The following LRRC8E variants were observed in gnomAD, a reference collection of about 807,000 sequenced individuals.
The protein encoded by LRRC8E is leucine rich repeat containing 8 VRAC subunit E, also known as volume-regulated anion channel subunit LRRC8E.
LRRC8E carries 6 observed loss-of-function variants against 6.1 expected under a neutral mutation model. That is an observed-to-expected ratio of 0.98 (90% CI 0.54 to 1.93). The LOEUF (loss-of-function observed/expected upper bound fraction) is 1.93. Among genes scored for constraint, LRRC8E ranks in the 30% most tolerant of loss-of-function variants. The probability of loss-of-function intolerance (pLI) is 0.01; values close to 1 mark genes in which losing one functional copy is unlikely to be tolerated. For missense variants in LRRC8E, 1,028 were observed against 1,031.4 expected (o/e 1.00, Z 0.04); for synonymous variants, 485 against 472.8 (o/e 1.03, Z -0.33).
chr19:7,895,124 C>T lies in LRRC8E; in HGVS notation c.-5-475C>T, dbSNP rs183250993. The T allele has an allele frequency of 5.7e-3, 885 of 154,810 alleles. 7 individuals are homozygous for T. The highest frequency in any genetic ancestry group is 9.1e-3 in the Non-Finnish European group (634 of 69,420). 9.6% of individuals were successfully genotyped at this position (154,810 alleles called of 1,614,324 possible). ...GGAGGGGGTGGAGGGGCCTACGCCC[C>T]GGAAGTCCTGAGCCTTGGAACGCTT... On this transcript the variant is annotated intron_variant, in intron 1 of 2. Transcript: ENST00000306708. The surrounding 1 kb of genome is among the most constrained non-coding windows in gnomAD (Gnocchi z 4.7).
chr19:7,894,992 A>C (rs1306561595), intron 1 of LRRC8E: 1 of 152,638 alleles, frequency 6.6e-6, no homozygotes, highest in Non-Finnish European at 1.5e-5. Flanking sequence ...CCCAGGGCTG[A>C]CTAGCCTTCA....
In LRRC8E at chr19:7,900,545, T is replaced by C. The variant is rs1273135468; in HGVS notation, c.2023T>C (p.Cys675Arg). The C allele has an allele frequency of 1.2e-6, 2 of 1,613,108 alleles. No homozygotes were observed. The highest frequency in any genetic ancestry group is 1.3e-5 in the African/African-American group (1 of 75,068). ...LETLPSQLGL[C>R]SGLRLLDVSH... Reference sequence around the variant, plus strand: ...GACCCTGCCCTCCCAGCTCGGCCTGTGCTCAGGCCTCCGTCTGCTGGATGT... The same window carrying C: ...GACCCTGCCCTCCCAGCTCGGCCTGCGCTCAGGCCTCCGTCTGCTGGATGT... Residue 675 changes from cysteine (C) to arginine (R), a missense_variant, in exon 3 of 3, where the codon TGC (cysteine) becomes CGC (arginine). Coordinates refer to ENST00000306708, the MANE Select transcript of LRRC8E (RefSeq NM_025061.6). This position sits in a 1 kb window ranked among gnomAD's most constrained non-coding sequence, Gnocchi z 5.0.
intron 2 of LRRC8E, among the ~76,000 whole-genome samples, chr19:7,896,095 G>A (rs1358017137): frequency 2.0e-5 from 3 of 151,452 alleles, no homozygotes; most frequent in African/African-American, 7.3e-5. Flanking sequence ...CCACCACCAC[G>A]CCTGGCTAAT....
chr19:7,892,669 T>C (rs762700726), intron 1 of LRRC8E, among the ~76,000 whole-genome samples: 9 of 152,148 alleles, frequency 5.9e-5, no homozygotes, highest in Non-Finnish European at 1.2e-4. Flanking sequence ...CGTGCACAAA[T>C]ATGCATGACC....
At chr19:7,892,448 T>C (rs1455347935) in intron 1 of LRRC8E, among the ~76,000 whole-genome samples, 2 of 152,082 alleles carry the variant, frequency 1.3e-5, no homozygotes, top group African/African-American at 4.8e-5. Flanking sequence ...GCTCAAGCAA[T>C]CCTCCTGCCT....
At chr19:7,898,579 G>A (rs577546752) in intron 2 of LRRC8E, 82 bp from the exon 3 acceptor site, 34 of 1,291,852 alleles carry the variant, frequency 2.6e-5, no homozygotes, top group South Asian at 1.9e-4. Flanking sequence ...GGCTGGTCTC[G>A]AACTCCTGAC....
Position 7,895,875 on chromosome 19 carries a change from C to G in LRRC8E, c.138+134C>G. 1 of 1,050,986 alleles carries G rather than the reference C, an allele frequency of 9.5e-7. No homozygotes were observed. The highest frequency in any genetic ancestry group is 1.6e-5 in the South Asian group (1 of 63,406). The allele number at this position is 1,050,986 out of a possible 1,614,324, so 65.1% of individuals were successfully genotyped here. ...GCCCCACTCAAAGGCCAATCCAGAC[C>G]CCTTATCTTCCTTACCTCCATAGCC... is the stretch of plus-strand genomic sequence containing the variant. On this transcript the variant is annotated intron_variant, in intron 2 of 2. Transcript: ENST00000306708. This position sits in a 1 kb window ranked among gnomAD's most constrained non-coding sequence, Gnocchi z 4.7.
intron 2 of LRRC8E, among the ~76,000 whole-genome samples, chr19:7,897,256 G>A (rs561577513): frequency 1.1e-4 from 17 of 149,962 alleles, no homozygotes; most frequent in Admixed American, 2.7e-4. Context: ...TGCAACCTCC[G>A]CCTCCCGGGT....
At chr19:7,898,216 CCAAAAAAAAAA>C in intron 2 of LRRC8E, among the ~76,000 whole-genome samples, 1 of 114,264 alleles carries the variant, frequency 8.8e-6, no homozygotes. Context: ...AAAAAAAAAA[CCAAAAAAAAAA>C]AAAACAGTGC....
At chr19:7,892,957 C>T (rs1300683339) in intron 1 of LRRC8E, among the ~76,000 whole-genome samples, 7 of 151,912 alleles carry the variant, frequency 4.6e-5, no homozygotes, top group African/African-American at 7.3e-5. Flanking sequence ...CCCGAGTAAC[C>T]GGGACTACAG....
intron 2 of LRRC8E, among the ~76,000 whole-genome samples, chr19:7,897,443 G>C (rs538374780): frequency 6.0e-5 from 9 of 150,736 alleles, no homozygotes; most frequent in Admixed American, 6.0e-4. Context: ...CTCCCAAAGT[G>C]CTGGGATTAC....
chr19:7,889,765 T>TG (rs891830668), intron 1 of LRRC8E, among the ~76,000 whole-genome samples: 1 of 150,968 alleles, frequency 6.6e-6, no homozygotes, highest in African/African-American at 2.4e-5. Flanking sequence ...TTTTTTTTTT[T>TG]TTCAAGATAG....
At position 7,900,044 on chromosome 19, in the gene LRRC8E, G is replaced by A. The variant is rs1438503463; in HGVS notation, c.1522G>A (p.Gly508Ser). Reference sequence around the variant, plus strand: ...GCCGCTTTGGGTGTTTGGGCTGCGGGGCTTGGAGGAGCTGCACCTGGAGGG... The same window carrying A: ...GCCGCTTTGGGTGTTTGGGCTGCGGAGCTTGGAGGAGCTGCACCTGGAGGG... Reference protein sequence around the residue: ...EVPLWVFGLRGLEELHLEGLF... With the variant: ...EVPLWVFGLRSLEELHLEGLF... Residue 508 changes from glycine (G) to serine (S), a missense_variant, in exon 3 of 3, where the codon GGC becomes AGC. Gly to Ser is a moderately conservative substitution (Grantham distance 56). Coordinates refer to ENST00000306708, the MANE Select transcript of LRRC8E (RefSeq NM_025061.6). This position sits in a 1 kb window ranked among gnomAD's most constrained non-coding sequence, Gnocchi z 5.0. 6.2e-7 allele frequency: 1 copy of A among 1,610,938 alleles called. No homozygotes were observed. Among genetic ancestry groups the A allele is most frequent in the East Asian group, 2.2e-5 (1 of 44,848 alleles).
In LRRC8E at chr19:7,899,997, A is replaced by T; in HGVS notation, c.1475A>T (p.Lys492Ile). The change falls in exon 3 of 3, where the codon AAA (lysine) becomes ATA (isoleucine). Residue 492 changes from lysine (K) to isoleucine (I), a missense_variant. Physicochemically the swap from Lys to Ile is moderately radical, Grantham distance 102. Transcript: ENST00000306708. ...LRDHLKVMRVKCEELREVPLW... is the reference protein window; with the variant it reads ...LRDHLKVMRVICEELREVPLW... The stretch of plus-strand genomic sequence containing the variant: ...GACCACCTGAAGGTGATGCGCGTCA[A>T]ATGCGAGGAGCTCCGCGAGGTGCCG... 4 of 1,609,906 alleles carry T rather than the reference A, an allele frequency of 2.5e-6. No homozygotes were observed. The highest frequency in any genetic ancestry group is 3.4e-6 in the Non-Finnish European group (4 of 1,179,652).
In LRRC8E at chr19:7,895,701, T is replaced by G; in HGVS notation, c.98T>G (p.Val33Gly). Residue 33 changes from valine to glycine, a missense_variant, in exon 2 of 3, where the codon GTG (valine) becomes GGG (glycine). Transcript: ENST00000306708. The surrounding 1 kb of genome is among the most constrained non-coding windows in gnomAD (Gnocchi z 4.7). ...WWDVLAEYLTVAMLMIGVFGC... is the reference protein window; with the variant it reads ...WWDVLAEYLTGAMLMIGVFGC... ...GACGTGCTGGCCGAGTACCTCACCG[T>G]GGCCATGCTCATGATTGGGGTCTTT... 6.2e-7 allele frequency: 1 copy of G among 1,614,102 alleles called. No individual in the cohort carries two copies. Among genetic ancestry groups the G allele is most frequent in the Middle Eastern group, 1.7e-4 (1 of 6,060 alleles).
chr19:7,892,128 A>G (rs1244001757), intron 1 of LRRC8E, among the ~76,000 whole-genome samples: 1 of 150,284 alleles, frequency 6.7e-6, no homozygotes, highest in Non-Finnish European at 1.5e-5. Flanking sequence ...GCTGGAGTAC[A>G]GTTGTGCAAT....
chr19:7,891,549 G>T (rs931241838), intron 1 of LRRC8E, among the ~76,000 whole-genome samples: 1 of 145,434 alleles, frequency 6.9e-6, no homozygotes, highest in Non-Finnish European at 1.5e-5. Flanking sequence ...GTGTGTGTTT[G>T]TGTGTGTGTG....
In LRRC8E at chr19:7,900,455, G is replaced by A. The variant is rs373577606; in HGVS notation, c.1933G>A (p.Val645Ile). ...LRLWHNQIAY[V>I]PEHVRKLRSL... is the part of the protein sequence containing the mutation. ...GCTGTGGCACAACCAGATCGCCTAC[G>A]TCCCTGAGCACGTGCGGAAGCTCAG... is the stretch of plus-strand genomic sequence containing the variant. The change falls in exon 3 of 3, where the codon GTC becomes ATC. Residue 645 changes from valine to isoleucine, a missense_variant. Transcript: ENST00000306708. The surrounding 1 kb of genome is among the most constrained non-coding windows in gnomAD (Gnocchi z 5.0). 15 of 1,612,826 alleles carry A rather than the reference G, an allele frequency of 9.3e-6. No homozygotes were observed. The highest frequency in any genetic ancestry group is 1.7e-5 in the Admixed American group (1 of 59,994).
At chr19:7,889,414 C>G (rs1166382159) in intron 1 of LRRC8E, among the ~76,000 whole-genome samples, 1 of 150,026 alleles carries the variant, frequency 6.7e-6, no homozygotes, top group African/African-American at 2.5e-5. Flanking sequence ...TGCACTCCAG[C>G]CTGGGCAACA....
Sources: gnomAD v4.1 joint callset for allele counts (sites outside exome capture counted in the v4.1 genomes callset) on GRCh38, gnomAD v4.1.1 for gene constraint, Gnocchi (gnomAD v3.1) non-coding constraint, MANE v1.5 for transcripts, NCBI Gene and HGNC (gene_info 2026-07-23, HGNC 2026-07-21) for gene names.